MYO3A: variants seen among roughly 807,000 people sequenced by gnomAD.
The protein encoded by MYO3A is myosin-IIIa.
In MYO3A, 180 loss-of-function variants were observed where a neutral mutation model predicts 192.7. That is an observed-to-expected ratio of 0.93 (90% CI 0.83 to 1.06). The LOEUF (loss-of-function observed/expected upper bound fraction) is 1.06, where lower values mean the gene tolerates loss of function less well. MYO3A is among the 50% of genes least tolerant of loss of function. The probability of loss-of-function intolerance (pLI) is 0.00; values close to 1 mark genes in which losing one functional copy is unlikely to be tolerated. For missense variants in MYO3A, 1,896 were observed against 1,905.0 expected (o/e 1.00, Z 0.09); for synonymous variants, 628 against 645.3 (o/e 0.97, Z 0.41).
intron 10 of MYO3A, among the ~76,000 whole-genome samples, chr10:26,040,931 G>T (rs998813935): frequency 6.6e-6 from 1 of 152,060 alleles, no homozygotes; most frequent in African/African-American, 2.4e-5. Flanking sequence ...TGCAGATTAA[G>T]TCTGATGTTT....
At chr10:26,166,794 G>T (rs1841777264) in intron 27 of MYO3A, among the ~76,000 whole-genome samples, 1 of 151,982 alleles carries the variant, frequency 6.6e-6, no homozygotes, top group African/African-American at 2.4e-5. Flanking sequence ...AAATTTTTCT[G>T]GAGTAAAATA....
intron 6 of MYO3A, among the ~76,000 whole-genome samples, chr10:26,013,245 G>T (rs1338114391): frequency 2.0e-5 from 3 of 152,008 alleles, no homozygotes; most frequent in East Asian, 3.9e-4. Flanking sequence ...GACCCCAAAA[G>T]CAAATGCAAC....
chr10:25,976,286 A>G (rs1283568446), intron 4 of MYO3A, among the ~76,000 whole-genome samples: 1 of 152,176 alleles, frequency 6.6e-6, no homozygotes, highest in African/African-American at 2.4e-5. Context: ...TCAAGCATGA[A>G]TATTGATAGC....
At chr10:26,044,550 G>A (rs1843530811) in intron 10 of MYO3A, among the ~76,000 whole-genome samples, 1 of 152,234 alleles carries the variant, frequency 6.6e-6, no homozygotes. Context: ...GCTTTCTGCA[G>A]TGATAAGATG....
chr10:26,176,272 C>A (rs370337330), intron 30 of MYO3A, among the ~76,000 whole-genome samples: 1 of 145,464 alleles, frequency 6.9e-6, no homozygotes, highest in Non-Finnish European at 1.5e-5. Context: ...CCAGCCTGGG[C>A]GACAGAGCGA....
Position 25,934,301 on chromosome 10 carries a change from A to G in MYO3A, c.-132A>G, listed in dbSNP as rs7073224. The G allele has an allele frequency of 0.08, 12,145 of 152,362 alleles. 597 individuals carry two copies. The highest frequency in any genetic ancestry group is 0.14 in the African/African-American group (5,737 of 41,532). 9.4% of individuals were successfully genotyped at this position (152,362 alleles called of 1,614,324 possible). ...CCGTAGCCAGCGCCCCCGTAAAGAA[A>G]TAAGGAGGCGCCCGGCTTCCCGCCC... is the stretch of plus-strand genomic sequence containing the variant. On this transcript the variant is annotated 5_prime_UTR_variant, in exon 1 of 35. Coordinates refer to ENST00000642920, the MANE Select transcript of MYO3A (RefSeq NM_017433.5).
intron 4 of MYO3A, among the ~76,000 whole-genome samples, chr10:25,980,875 AT>A (rs1839290428): frequency 2.0e-5 from 3 of 152,198 alleles, no homozygotes; most frequent in Admixed American, 6.5e-5. Flanking sequence ...CATAGTTTAC[AT>A]TAGGGTTCCC....
At chr10:25,967,406 G>A (rs1168147697) in intron 4 of MYO3A, among the ~76,000 whole-genome samples, 1 of 152,164 alleles carries the variant, frequency 6.6e-6, no homozygotes, top group Admixed American at 6.5e-5. Flanking sequence ...ATTGGAGGAA[G>A]GACTAAACTA....
At chr10:26,041,338 T>TTTG (rs140583410) in intron 10 of MYO3A, among the ~76,000 whole-genome samples, 28,020 of 151,528 alleles carry the variant, frequency 0.18, 2,864 homozygotes, top group East Asian at 0.35. Flanking sequence ...AGTTTGGGTT[T>TTTG]TTGTTGTTGT....
chr10:26,108,291 A>G (rs938441258), intron 17 of MYO3A, among the ~76,000 whole-genome samples: 5 of 152,230 alleles, frequency 3.3e-5, no homozygotes, highest in Non-Finnish European at 7.3e-5. Context: ...TCATTTTCAT[A>G]AATGACACTC....
At chr10:26,024,205 G>C (rs1292039906) in intron 9 of MYO3A, 118 bp downstream of exon 9, 1 of 996,284 alleles carries the variant, frequency 1.0e-6, no homozygotes, top group Non-Finnish European at 1.5e-6. Flanking sequence ...TTTCTTCAAA[G>C]GAAGCATCTA....
intron 23 of MYO3A, among the ~76,000 whole-genome samples, chr10:26,148,342 A>G (rs1331787463): frequency 6.6e-6 from 1 of 152,144 alleles, no homozygotes; most frequent in Non-Finnish European, 1.5e-5. Flanking sequence ...TGGACTCTTT[A>G]TTGGGTGTCA....
intron 4 of MYO3A, among the ~76,000 whole-genome samples, chr10:25,982,349 T>C (rs189189329): frequency 3.6e-4 from 54 of 152,096 alleles, no homozygotes; most frequent in Admixed American, 3.5e-3. Context: ...AGACAAAAAC[T>C]CTTGGAAGCT....
chr10:26,083,275 C>A (rs966257319), intron 14 of MYO3A, among the ~76,000 whole-genome samples: 1 of 152,164 alleles, frequency 6.6e-6, no homozygotes, highest in African/African-American at 2.4e-5. Flanking sequence ...ATACATTGGG[C>A]AAAGGAAGGA....
chr10:26,070,016 T>C (rs1174354877), intron 12 of MYO3A, 95 bp from the exon 13 acceptor site: 8 of 852,000 alleles, frequency 9.4e-6, no homozygotes, highest in East Asian at 2.6e-5. Context: ...TTTTTATTTA[T>C]ACTTTGCTTT....
intron 33 of MYO3A, among the ~76,000 whole-genome samples, chr10:26,202,044 G>T (rs1410468181): frequency 1.3e-5 from 2 of 152,062 alleles, no homozygotes; most frequent in African/African-American, 4.8e-5. Flanking sequence ...TAAGGTTTAT[G>T]TTACTTGCAA....
chr10:26,097,161 A>C (rs1428066195), intron 17 of MYO3A, among the ~76,000 whole-genome samples: 1 of 151,998 alleles, frequency 6.6e-6, no homozygotes, highest in African/African-American at 2.4e-5. Flanking sequence ...TTTTCACCCC[A>C]AAAAGAAATA....
chr10:26,205,479 T>TGGGG lies in MYO3A; in HGVS notation c.4730+2378_4730+2381dup, dbSNP rs766224587. Among the ~76,000 whole-genome samples the TGGGG allele has an allele frequency of 7.4e-4, 99 of 133,348 alleles. 1 individual carries two copies. The highest frequency in any genetic ancestry group is 2.9e-3 in the African/African-American group (91 of 31,318). 87.5% of individuals were successfully genotyped at this position (133,348 alleles called of 152,430 possible). A position where few individuals can be genotyped will look rare whatever the true frequency, so the allele number is the denominator to read the frequency against. ...TGTGCTTGTCTTTTTTTTTTTTTTT[T>TGGGG]GGGGGGGGGCTTCCATGTATAAGTG... is the stretch of plus-strand genomic sequence containing the variant. On this transcript the variant is annotated intron_variant, in intron 34 of 34. Transcript: ENST00000642920.
chr10:26,191,676 A>C (rs1188600717), intron 31 of MYO3A, among the ~76,000 whole-genome samples: 1 of 152,224 alleles, frequency 6.6e-6, no homozygotes, highest in Non-Finnish European at 1.5e-5. Context: ...ATAATGTCAG[A>C]ATATGAATAC....
Sources: gnomAD v4.1 joint callset for allele counts (sites outside exome capture counted in the v4.1 genomes callset) on GRCh38, gnomAD v4.1.1 for gene constraint, MANE v1.5 for transcripts, NCBI Gene and HGNC (gene_info 2026-07-23, HGNC 2026-07-21) for gene names.